XG: variants seen among roughly 807,000 people sequenced by gnomAD.
XG encodes Xg glycoprotein (Xg blood group), also known as glycoprotein Xg.
XG carries 24 observed loss-of-function variants against 25.7 expected under a neutral mutation model. The observed-to-expected ratio is 0.93, with a 90% CI of 0.68 to 1.31. The LOEUF (loss-of-function observed/expected upper bound fraction) is 1.31. XG is among the 40% of genes most tolerant of loss of function. The pLI, the probability that XG is intolerant of heterozygous loss-of-function variation, is 0.00. For missense variants in XG, 181 were observed against 187.6 expected (o/e 0.96, Z 0.21); for synonymous variants, 77 against 69.2 (o/e 1.11, Z -0.56).
chrX:2,792,575 G>A (rs865898137), intron 5 of XG, among the ~76,000 whole-genome samples: 1 of 96,066 alleles, frequency 1.0e-5, no homozygotes, highest in East Asian at 3.1e-4. Context: ...GTGTGTATGT[G>A]TGTGTGTTGG....
At chrX:2,752,723 A>G (rs1682032448) in intron 1 of XG, among the ~76,000 whole-genome samples, 1 of 152,222 alleles carries the variant, frequency 6.6e-6, no homozygotes, top group Admixed American at 6.5e-5. Flanking sequence ...ATTTCCATAC[A>G]GTAAAAGTAG....
At chrX:2,806,388 A>C (rs7058222) in intron 7 of XG, among the ~76,000 whole-genome samples, 18,600 of 109,658 alleles carry the variant, frequency 0.17, 1,456 homozygotes, top group Admixed American at 0.37. Flanking sequence ...CTGCGTTTTC[A>C]TCCTATTCTC....
At chrX:2,782,265 C>T in intron 4 of XG, 137 bp downstream of exon 4, 4 of 714,148 alleles carry the variant, frequency 5.6e-6, no homozygotes, top group South Asian at 2.6e-5. Context: ...AGTTTCTTTC[C>T]TCACTGGGGG....
At chrX:2,789,809 G>T in intron 5 of XG, 103 bp downstream of exon 5, 1 of 368,350 alleles carries the variant, frequency 2.7e-6, no homozygotes, top group South Asian at 1.3e-4. Flanking sequence ...CATTTTATTT[G>T]ATTCTATGTT....
At chrX:2,767,499 G>A (rs1401804718) in intron 1 of XG, among the ~76,000 whole-genome samples, 1 of 152,128 alleles carries the variant, frequency 6.6e-6, no homozygotes, top group East Asian at 1.9e-4. Flanking sequence ...CTAACTATAA[G>A]CAAAGCAAAT....
At chrX:2,792,527 C>CTTTCTT (rs1277582290) in intron 5 of XG, among the ~76,000 whole-genome samples, 1 of 90,397 alleles carries the variant, frequency 1.1e-5, no homozygotes, top group Non-Finnish European at 2.2e-5. Flanking sequence ...TTTTCTTTTT[C>CTTTCTT]TTTCTTTTTC....
chrX:2,775,101 T>C, intron 3 of XG: 1 of 272,396 alleles, frequency 3.7e-6, no homozygotes, highest in Admixed American at 4.7e-5. Flanking sequence ...GATTACTCTA[T>C]GAACCAGCAA....
chrX:2,812,196 G>A (rs2087064710), intron 10 of XG, among the ~76,000 whole-genome samples: 1 of 111,272 alleles, frequency 9.0e-6, no homozygotes, highest in African/African-American at 3.3e-5. Flanking sequence ...CCGAAACACT[G>A]AATTATAAGC....
chrX:2,763,572 TCAGA>T (rs1569459044), intron 1 of XG, among the ~76,000 whole-genome samples: 1 of 152,152 alleles, frequency 6.6e-6, no homozygotes, highest in Non-Finnish European at 1.5e-5. Context: ...CCCCAAATGC[TCAGA>T]CAAACTTGGC....
intron 4 of XG, among the ~76,000 whole-genome samples, chrX:2,787,782 C>A (rs190544992): frequency 2.1e-3 from 233 of 110,526 alleles, no homozygotes; most frequent in African/African-American, 6.8e-3. Context: ...TGGTGTATAC[C>A]TGTAATCCCA....
intron 2 of XG, among the ~76,000 whole-genome samples, chrX:2,774,344 TAAG>T: frequency 6.6e-6 from 1 of 151,972 alleles, no homozygotes; most frequent in African/African-American, 2.4e-5. Flanking sequence ...GAAAGTGAGA[TAAG>T]CCATCATTCT....
intron 7 of XG, among the ~76,000 whole-genome samples, chrX:2,805,448 T>C (rs2086986379): frequency 9.0e-6 from 1 of 110,776 alleles, no homozygotes; most frequent in South Asian, 3.9e-4. Flanking sequence ...GTCGACATCA[T>C]CATCTCCCTG....
rs1325312704 is a variant in XG, at chrX:2,815,855, TTAATC to T, written c.*1476_*1480del. 9.0e-6 allele frequency: 1 copy of T among 110,820 alleles called. No individual in the cohort carries two copies. The highest frequency in any genetic ancestry group is 9.7e-5 in the Admixed American group (1 of 10,323). The allele number at this position is 110,820 out of a possible 1,213,427, so 9.1% of individuals were successfully genotyped here. ...AATGGAATCTAAACATTTTTAGCCT[TTAATC>T]CATTCCATTTTCTAAAACTGTCATA... On this transcript the variant is annotated 3_prime_UTR_variant, in exon 11 of 11. Transcript: ENST00000644266.
chrX:2,783,202 G>A (rs2086748505), intron 4 of XG, among the ~76,000 whole-genome samples: 1 of 111,289 alleles, frequency 9.0e-6, no homozygotes, highest in Non-Finnish European at 1.9e-5. Context: ...AAACCCCCAC[G>A]TGTGCTGTGC....
chrX:2,760,580 A>G (rs2050541460), intron 1 of XG, among the ~76,000 whole-genome samples: 1 of 77,540 alleles, frequency 1.3e-5, no homozygotes, highest in South Asian at 3.8e-4. Flanking sequence ...CTAAAAATAC[A>G]AAAAAAAAAA....
chrX:2,781,002 G>A (rs1259582535), intron 3 of XG, among the ~76,000 whole-genome samples: 1 of 151,974 alleles, frequency 6.6e-6, no homozygotes, highest in African/African-American at 2.4e-5. Context: ...TGGGGGTCCC[G>A]AGATTTATGT....
chrX:2,792,170 T>TA (rs752306591), intron 5 of XG, among the ~76,000 whole-genome samples: 1 of 111,312 alleles, frequency 9.0e-6, no homozygotes, highest in East Asian at 2.8e-4. Context: ...TAATCACAAC[T>TA]ACTTGAGAGG....
intron 1 of XG, among the ~76,000 whole-genome samples, chrX:2,757,693 C>T (rs763983266): frequency 4.6e-5 from 7 of 151,650 alleles, no homozygotes; most frequent in Admixed American, 2.6e-4. Flanking sequence ...AGTTGTGGGC[C>T]GGGCACAGTG....
At chrX:2,798,263 A>G (rs1378273617) in intron 7 of XG, among the ~76,000 whole-genome samples, 4 of 111,466 alleles carry the variant, frequency 3.6e-5, no homozygotes, top group Non-Finnish European at 7.5e-5. Flanking sequence ...AAAGAAAACA[A>G]TAACAAAACA....
Sources: allele counts gnomAD v4.1 joint callset (sites outside exome capture counted in the v4.1 genomes callset), GRCh38; gene constraint gnomAD v4.1.1; transcripts MANE v1.5; gene names NCBI Gene and HGNC (gene_info 2026-07-23, HGNC 2026-07-21).